Variants in APOB observed in about 807,000 individuals in gnomAD.
The protein encoded by APOB is apolipoprotein B, also known as apolipoprotein B-100.
In APOB, 153 loss-of-function variants were observed where a neutral mutation model predicts 314.1. The ratio of observed to expected loss-of-function variants is 0.49; its 90% confidence interval spans 0.43 to 0.56. The LOEUF is 0.56. Among genes scored for constraint, APOB ranks in the 20% least tolerant of loss-of-function variants. APOB has a pLI of 0.00. For missense variants in APOB, 5,430 were observed against 5,350.7 expected, an observed-to-expected ratio of 1.01 and a Z score of -0.46; for synonymous variants, 2,087 against 2,036.4, an observed-to-expected ratio of 1.02 and a Z score of -0.67.
In APOB at chr2:21,009,168, T is replaced by C; in HGVS notation, c.7700A>G (p.Gln2567Arg). 6.2e-7 allele frequency: 1 copy of C among 1,614,100 alleles called. No individual in the cohort carries two copies. The highest frequency in any genetic ancestry group is 8.5e-7 in the Non-Finnish European group (1 of 1,179,978). ...TTTAGCCCAATCTTGGATAGAATAT[T>C]GCTCTGCAAAGTCAGTAAGGTTCTT... ...AAKNLTDFAE[Q>R]YSIQDWAKRM... Residue 2567 changes from glutamine to arginine, a missense_variant, in exon 26 of 29, where the codon CAA becomes CGA. Around this residue, in one of 3 missense-constraint regions of APOB, gnomAD observed 3,281 missense variants for 3,171.0 expected, o/e 1.03. Coordinates refer to ENST00000233242, the MANE Select transcript of APOB (RefSeq NM_000384.3).
At chr2:21,037,889 G>C in intron 5 of APOB, 69 bp downstream of exon 5, 5 of 1,573,034 alleles carry the variant, frequency 3.2e-6, no homozygotes, top group Admixed American at 3.3e-5. Context: ...TTTGTATATG[G>C]TAGGACTGGT....
rs1389738027 is a variant in APOB at position 21,006,538 on chromosome 2, G to T, written c.10330C>A (p.Leu3444Ile). 6.2e-7 allele frequency: 1 copy of T among 1,613,964 alleles called. No individual in the cohort carries two copies. Among genetic ancestry groups the T allele is most frequent in the East Asian group, 2.2e-5 (1 of 44,888 alleles). The change falls in exon 26 of 29, where the codon CTT becomes ATT. Residue 3444 changes from leucine (L) to isoleucine (I), a missense_variant. This residue lies in a region of APOB where 3,281 missense variants were observed against 3,171.0 expected (regional missense o/e 1.03). Transcript: ENST00000233242. ...GGTTTTGACTTGGTATTTCCATTAA[G>T]TTCTTGCTTGAAATTCATTCTCAAA... ...PILRMNFKQE[L>I]NGNTKSKPTV...
At chr2:21,013,909 C>A (rs1297083902) in intron 24 of APOB, among the ~76,000 whole-genome samples, 4 of 152,186 alleles carry the variant, frequency 2.6e-5, no homozygotes, top group Non-Finnish European at 2.9e-5. Context: ...AAAGGCTATA[C>A]CTTACCCAGT....
rs12714034 is a variant in APOB at position 21,021,559 on chromosome 2, A to C, written c.2816+1272T>G. ...CTTAGGATGGCTTTCGCAGCTGGGC[A>C]TGCTCTCTCCCCTGCCTACCTCTCC... On this transcript the variant is annotated intron_variant, in intron 18 of 28. Transcript: ENST00000233242. Among the ~76,000 whole-genome samples, 1,296 of 152,222 alleles carry C rather than the reference A, an allele frequency of 8.5e-3. 19 individuals are homozygous for C. The highest frequency in any genetic ancestry group is 0.029 in the African/African-American group (1,206 of 41,520).
intron 4 of APOB, among the ~76,000 whole-genome samples, chr2:21,040,219 G>A (rs1324512967): frequency 2.0e-5 from 3 of 152,202 alleles, no homozygotes; most frequent in African/African-American, 4.8e-5. Flanking sequence ...CCCCAGCCAC[G>A]TGGAACTGTG....
At chr2:21,018,918 A>G in intron 20 of APOB, 74 bp downstream of exon 20, 1 of 1,608,038 alleles carries the variant, frequency 6.2e-7, no homozygotes, top group Admixed American at 1.7e-5. Flanking sequence ...AGGTTAAATT[A>G]CATGTCTTCT....
At chr2:21,013,664 C>T (rs1663392913) in intron 24 of APOB, 131 bp from the exon 25 acceptor site, 3 of 1,286,952 alleles carry the variant, frequency 2.3e-6, no homozygotes, top group Non-Finnish European at 3.4e-6. Context: ...CTTTGTGCTA[C>T]TCCTATGCCT....
At chr2:21,027,201 A>G (rs896324886) in intron 14 of APOB, among the ~76,000 whole-genome samples, 13 of 152,202 alleles carry the variant, frequency 8.5e-5, no homozygotes, top group African/African-American at 3.1e-4. Context: ...ATAATTCAAC[A>G]AAGGATTCAG....
intron 4 of APOB, 145 bp from the exon 5 acceptor site, chr2:21,038,256 A>G (rs1664052983): frequency 1.2e-6 from 1 of 858,380 alleles, no homozygotes; most frequent in Admixed American, 2.0e-5. Flanking sequence ...TATAGAATAT[A>G]GCTACACATA....
Position 21,011,105 on chromosome 2 carries a change from T to A in APOB, c.5763A>T (p.Gly1921=), listed in dbSNP as rs141022509. Residue 1921 remains glycine (G), a synonymous_variant, in exon 26 of 29, where the codon GGA becomes GGT. Coordinates refer to ENST00000233242, the MANE Select transcript of APOB (RefSeq NM_000384.3). The part of the protein sequence containing the change: ...TNGNGKLALW[G]EHTGQLYSKF... Reference sequence around the variant, plus strand: ...TGCTATACAGCTGCCCAGTATGTTCTCCCCAGAGAGCGAGTTTCCCATTGC... The same window carrying A: ...TGCTATACAGCTGCCCAGTATGTTCACCCCAGAGAGCGAGTTTCCCATTGC... 1.2e-6 allele frequency: 2 copies of A among 1,614,228 alleles called. No homozygotes were observed.
chr2:21,032,083 T>C (rs1663895504), intron 10 of APOB, among the ~76,000 whole-genome samples: 1 of 152,218 alleles, frequency 6.6e-6, no homozygotes, highest in African/African-American at 2.4e-5. Context: ...AGATAGCTGG[T>C]TTTCTAGGGG....
chr2:21,028,480 A>G lies in APOB; in HGVS notation c.1676T>C (p.Leu559Pro). The change falls in exon 13 of 29, where the codon CTG becomes CCG. Residue 559 changes from leucine to proline, a missense_variant. Transcript: ENST00000233242. ...CCTCATCAACATAAGATAGGCAGCC[A>G]GTCGCTTATCTCCCGGAGAAGCATC... The part of the protein sequence containing the change: ...LDDASPGDKR[L>P]AAYLMLMRSP... 6.2e-7 allele frequency: 1 copy of G among 1,614,090 alleles called. No individual in the cohort carries two copies. Among genetic ancestry groups the G allele is most frequent in the Non-Finnish European group, 8.5e-7 (1 of 1,179,998 alleles).
intron 28 of APOB, 150 bp downstream of exon 28, chr2:21,004,118 TC>T: frequency 1.3e-6 from 1 of 761,120 alleles, no homozygotes; most frequent in South Asian, 1.6e-5. Flanking sequence ...TGTAATACTT[TC>T]TAGAGAATAT....
intron 4 of APOB, 108 bp from the exon 5 acceptor site, chr2:21,038,219 G>T (rs1321499519): frequency 2.5e-6 from 3 of 1,194,206 alleles, no homozygotes; most frequent in Non-Finnish European, 3.7e-6. Flanking sequence ...TTAACCAATT[G>T]TTCTTCTGAC....
rs774587292 is a variant in APOB at position 21,015,267 on chromosome 2, A to G, written c.3509-7T>C. On this transcript the variant is annotated splice_region_variant and splice_polypyrimidine_tract_variant and intron_variant, in intron 22 of 28. Transcript: ENST00000233242. ...AATTCAATCTTCTCTTCATCTGAAA[A>G]TACGTAGGAAATAGTTGTGAATGGT... 26 of 1,614,144 alleles carry G rather than the reference A, an allele frequency of 1.6e-5. No individual in the cohort carries two copies. The highest frequency in any genetic ancestry group is 2.2e-5 in the Non-Finnish European group (26 of 1,179,986).
At position 21,011,284 on chromosome 2, in the gene APOB, C is replaced by T. The variant is rs772827035; in HGVS notation, c.5584G>A (p.Val1862Met). The change falls in exon 26 of 29, where the codon GTG (valine) becomes ATG (methionine). Residue 1862 changes from valine (V) to methionine (M), a missense_variant. Transcript: ENST00000233242. ...KADTVAKVQG[V>M]EFSHRLNTDI... is the part of the protein sequence containing the mutation. ...GTGTTGAGCCGATGGCTAAACTCCA[C>T]ACCCTGAACCTTAGCAACAGTGTCT... 1 of 1,614,204 alleles carries T rather than the reference C, an allele frequency of 6.2e-7. No individual in the cohort carries two copies. The highest frequency in any genetic ancestry group is 1.1e-5 in the South Asian group (1 of 91,080).
At position 21,012,249 on chromosome 2, in the gene APOB, C is replaced by A. The variant is rs534924739; in HGVS notation, c.4619G>T (p.Gly1540Val). Reference sequence around the variant, plus strand: ...AGAGGTGGAGGTGAGGGAGAGGGTTCCATCTTCATATCTTCCTGTTATCTG... The same window carrying A: ...AGAGGTGGAGGTGAGGGAGAGGGTTACATCTTCATATCTTCCTGTTATCTG... ...TNQITGRYEDGTLSLTSTSDL... is the reference protein window; with the variant it reads ...TNQITGRYEDVTLSLTSTSDL... Residue 1540 changes from glycine to valine, a missense_variant, in exon 26 of 29, where the codon GGA (glycine) becomes GTA (valine). By Grantham distance (109) the Gly-to-Val change is moderately radical. Coordinates refer to ENST00000233242, the MANE Select transcript of APOB (RefSeq NM_000384.3). 4 of 1,611,702 alleles carry A rather than the reference C, an allele frequency of 2.5e-6. No homozygotes were observed. In the African/African-American group the frequency reaches 5.3e-5, roughly 21 times the overall value.
Position 21,008,625 on chromosome 2 carries a change from T to C in APOB, c.8243A>G (p.His2748Arg), listed in dbSNP as rs1049705142. Residue 2748 changes from histidine to arginine, a missense_variant, in exon 26 of 29, where the codon CAC becomes CGC. By Grantham distance (29) the His-to-Arg change is conservative. This residue lies in a region of APOB where 3,281 missense variants were observed against 3,171.0 expected (regional missense o/e 1.03). Transcript: ENST00000233242. Reference sequence around the variant, plus strand: ...GCCAAAAGTAGGTACTTCAATTGTGTGTGAGATGTGGGGAAGCTGGAATTC... The same window carrying C: ...GCCAAAAGTAGGTACTTCAATTGTGCGTGAGATGTGGGGAAGCTGGAATTC... Reference protein sequence around the residue: ...IPEFQLPHISHTIEVPTFGKL... With the variant: ...IPEFQLPHISRTIEVPTFGKL... The C allele has an allele frequency of 4.3e-6, 7 of 1,613,958 alleles. No individual in the cohort carries two copies. The highest frequency in any genetic ancestry group is 5.9e-6 in the Non-Finnish European group (7 of 1,179,968).
rs1420256121 is a variant in APOB at position 21,043,926 on chromosome 2, G to T, written c.20C>A (p.Ala7Glu). Residue 7 changes from alanine to glutamate, a missense_variant, in exon 1 of 29, where the codon GCG (alanine) becomes GAG (glutamate). This residue lies in a region of APOB where 2,085 missense variants were observed against 2,079.7 expected (regional missense o/e 1.00). Transcript: ENST00000233242. MDPPRPALLALLALPAL... is the reference protein window; with the variant it reads MDPPRPELLALLALPAL... Reference sequence around the variant, plus strand: ...AGGCAGCGCCAGCAGCGCCAGCAGCGCGGGCCTCGGCGGGTCCATCGCCAG... The same window carrying T: ...AGGCAGCGCCAGCAGCGCCAGCAGCTCGGGCCTCGGCGGGTCCATCGCCAG... 1.5e-6 allele frequency: 2 copies of T among 1,374,114 alleles called. No individual in the cohort carries two copies. Among genetic ancestry groups the T allele is most frequent in the Middle Eastern group, 5.3e-4 (2 of 3,748 alleles). 85.1% of individuals were successfully genotyped at this position (1,374,114 alleles called of 1,614,324 possible). A position where few individuals can be genotyped will look rare whatever the true frequency, so the allele number is the denominator to read the frequency against.
Sources: gnomAD v4.1 joint callset for allele counts (sites outside exome capture counted in the v4.1 genomes callset) on GRCh38, gnomAD v4.1.1 for gene constraint, gnomAD v4.1.1 regional missense constraint, MANE v1.5 for transcripts, NCBI Gene and HGNC (gene_info 2026-07-23, HGNC 2026-07-21) for gene names.